The following KDM4C variants were observed in gnomAD, a reference collection of about 807,000 sequenced individuals.
KDM4C encodes the protein lysine demethylase 4C, also known as lysine-specific demethylase 4C.
In KDM4C, 81 loss-of-function variants were observed where a neutral mutation model predicts 129.3. That is an observed-to-expected ratio of 0.63 (90% CI 0.52 to 0.75). The LOEUF (loss-of-function observed/expected upper bound fraction) is 0.75, where lower values mean the gene tolerates loss of function less well. KDM4C is among the 30% of genes least tolerant of loss of function. KDM4C has a pLI of 0.00. For synonymous variants in KDM4C, 573 were observed against 456.1 expected, an observed-to-expected ratio of 1.26 and a Z score of -3.26; for missense variants, 1,457 against 1,304.0, an observed-to-expected ratio of 1.12 and a Z score of -1.81.
intron 4 of KDM4C, among the ~76,000 whole-genome samples, chr9:6,816,681 C>T (rs551812600): frequency 4.6e-5 from 7 of 152,302 alleles, no homozygotes; most frequent in South Asian, 4.1e-4. Context: ...TCCTCCCTAA[C>T]ACTCGATATT....
At chr9:6,725,477 C>T (rs1003995238) in intron 1 of KDM4C, among the ~76,000 whole-genome samples, 4 of 152,130 alleles carry the variant, frequency 2.6e-5, no homozygotes, top group East Asian at 3.9e-4. Flanking sequence ...CACAGATTCT[C>T]TCTTTTTTAT....
At chr9:6,850,402 C>T (rs896630597) in intron 5 of KDM4C, among the ~76,000 whole-genome samples, 1 of 152,080 alleles carries the variant, frequency 6.6e-6, no homozygotes. Context: ...AGTTTCAAAC[C>T]ATCTTCATGA....
intron 19 of KDM4C, among the ~76,000 whole-genome samples, chr9:7,150,403 A>C (rs892841726): frequency 6.6e-6 from 1 of 152,216 alleles, no homozygotes. Flanking sequence ...TCACAGACAC[A>C]GAGTTCCCAC....
At chr9:6,990,587 T>C (rs1818563350) in intron 12 of KDM4C, 63 bp downstream of exon 12, 1 of 1,078,974 alleles carries the variant, frequency 9.3e-7, no homozygotes, top group African/African-American at 1.6e-5. Context: ...CAAACTATTG[T>C]AAAAAAAATT....
intron 6 of KDM4C, among the ~76,000 whole-genome samples, chr9:6,887,108 TTC>T (rs1361671321): frequency 6.6e-6 from 1 of 152,242 alleles, no homozygotes; most frequent in African/African-American, 2.4e-5. Flanking sequence ...CCCTCCATGA[TTC>T]TCTGTCTTTT....
In KDM4C at chr9:6,941,133, C is replaced by A. The variant is rs150000762; in HGVS notation, c.922-39792C>A. Among the ~76,000 whole-genome samples, 1,049 of 151,844 alleles carry A rather than the reference C, an allele frequency of 6.9e-3. 7 individuals carry two copies. Among genetic ancestry groups the A allele is most frequent in the African/African-American group, 0.023 (947 of 41,378 alleles). The stretch of plus-strand genomic sequence containing the variant: ...GCAACCTCTGCCTCTTGGGTTCAAG[C>A]GATTCTTGTGCCTCAGCCTCCCAAG... On this transcript the variant is annotated intron_variant, in intron 8 of 21. Transcript: ENST00000381309.
At chr9:7,081,203 C>G (rs1834486702) in intron 17 of KDM4C, among the ~76,000 whole-genome samples, 2 of 152,098 alleles carry the variant, frequency 1.3e-5, no homozygotes, top group Non-Finnish European at 2.9e-5. Flanking sequence ...TTTATTGTTC[C>G]ATCTTCTTCC....
At chr9:6,958,176 A>C (rs1333794632) in intron 8 of KDM4C, among the ~76,000 whole-genome samples, 1 of 151,904 alleles carries the variant, frequency 6.6e-6, no homozygotes, top group Non-Finnish European at 1.5e-5. Flanking sequence ...AAAGTGACTC[A>C]CAATGCCGTC....
At chr9:7,025,556 G>T (rs78672902) in intron 15 of KDM4C, among the ~76,000 whole-genome samples, 1 of 151,988 alleles carries the variant, frequency 6.6e-6, no homozygotes, top group Non-Finnish European at 1.5e-5. Flanking sequence ...GATGAGTCTT[G>T]CAAATATTAT....
chr9:6,745,022 T>G (rs1490926929), intron 1 of KDM4C, among the ~76,000 whole-genome samples: 1 of 152,124 alleles, frequency 6.6e-6, no homozygotes, highest in Non-Finnish European at 1.5e-5. Context: ...TTCCCTGCCC[T>G]TTCACCTTTG....
intron 15 of KDM4C, among the ~76,000 whole-genome samples, chr9:7,020,178 G>T (rs1284837822): frequency 6.6e-6 from 1 of 152,136 alleles, no homozygotes; most frequent in Admixed American, 6.5e-5. Flanking sequence ...GCATATGCTT[G>T]AGGAGAGATT....
upstream of KDM4C, among the ~76,000 whole-genome samples, chr9:6,754,165 C>T (rs151154617): frequency 6.6e-6 from 1 of 150,548 alleles, no homozygotes; most frequent in African/African-American, 2.4e-5. Context: ...CGTGAGCTAC[C>T]GAGCCCAGCC....
intron 17 of KDM4C, among the ~76,000 whole-genome samples, chr9:7,049,696 A>G (rs1291034701): frequency 6.6e-6 from 1 of 152,126 alleles, no homozygotes; most frequent in African/African-American, 2.4e-5. Flanking sequence ...GTCACTTAAT[A>G]TGCCAAACTC....
chr9:6,987,071 A>C (rs1817853062), intron 11 of KDM4C, among the ~76,000 whole-genome samples: 1 of 152,202 alleles, frequency 6.6e-6, no homozygotes, highest in Non-Finnish European at 1.5e-5. Flanking sequence ...TTGATACAGT[A>C]AAGATTACAG....
intron 4 of KDM4C, among the ~76,000 whole-genome samples, chr9:6,840,588 G>C (rs1246288982): frequency 6.6e-6 from 1 of 151,964 alleles, no homozygotes. Context: ...GTAGAGGCGG[G>C]GTTTCACCAT....
chr9:7,046,840 T>C (rs1176114204), intron 15 of KDM4C, 22 bp from the exon 16 acceptor site: 1 of 1,566,884 alleles, frequency 6.4e-7, no homozygotes, highest in Non-Finnish European at 8.8e-7. Context: ...GGTCATCATG[T>C]GGTATTTTCT....
intron 19 of KDM4C, among the ~76,000 whole-genome samples, chr9:7,138,183 A>T (rs1021629075): frequency 6.6e-6 from 1 of 152,166 alleles, no homozygotes; most frequent in African/African-American, 2.4e-5. Flanking sequence ...TTCAGTTTCT[A>T]ATCTTCCCTA....
rs1301821198 is a variant in KDM4C at position 6,992,960 on chromosome 9, A to G, written c.1786+2436A>G. Among the ~76,000 whole-genome samples the G allele has an allele frequency of 2.0e-5, 3 of 152,326 alleles. No homozygotes were observed. In the East Asian group the frequency reaches 5.8e-4, roughly 29 times the overall value. On this transcript the variant is annotated intron_variant, in intron 12 of 21. Coordinates refer to ENST00000381309, the MANE Select transcript of KDM4C (RefSeq NM_015061.6). ...CAGGACCTCTGGGAGCTGCTATGCC[A>G]CTGGCAGCTGAGAGATGAGCCACTT...
At chr9:6,964,870 C>G (rs1563898405) in intron 8 of KDM4C, among the ~76,000 whole-genome samples, 1 of 150,994 alleles carries the variant, frequency 6.6e-6, no homozygotes, top group Admixed American at 6.6e-5. Context: ...AGGAGAATCA[C>G]TTGAGCCCAG....
Sources: allele counts gnomAD v4.1 joint callset (sites outside exome capture counted in the v4.1 genomes callset), GRCh38; gene constraint gnomAD v4.1.1; transcripts MANE v1.5; gene names NCBI Gene and HGNC (gene_info 2026-07-23, HGNC 2026-07-21).